ZNF609: variants seen among roughly 807,000 people sequenced by gnomAD.
The protein encoded by ZNF609 is zinc finger protein 609.
ZNF609 carries 11 observed loss-of-function variants against 109.5 expected under a neutral mutation model. That is an observed-to-expected ratio of 0.10 (90% CI 0.06 to 0.17). The LOEUF is 0.17. ZNF609 is among the 10% of genes least tolerant of loss of function. ZNF609 has a pLI of 1.00. For missense variants in ZNF609, 1,559 were observed against 1,772.4 expected (o/e 0.88, Z 2.16); for synonymous variants, 646 against 662.0 (o/e 0.98, Z 0.37).
At chr15:64,530,132 A>G (rs1894038509) in intron 2 of ZNF609, among the ~76,000 whole-genome samples, 1 of 151,444 alleles carries the variant, frequency 6.6e-6, no homozygotes, top group Non-Finnish European at 1.5e-5. Flanking sequence ...CTCCCATCTC[A>G]GCCTCCCGAC....
chr15:64,607,819 CTTTCTTTCTTTCTTTCTT>C (rs1895629935), intron 2 of ZNF609, among the ~76,000 whole-genome samples: 1 of 5,520 alleles, frequency 1.8e-4, no homozygotes, highest in African/African-American at 3.1e-4. Context: ...ATGTTTTCTT[CTTTCTTTCTTTCTTTCTT>C]TCTTTCTTTC....
chr15:64,568,998 G>A lies in ZNF609; in HGVS notation c.748-53829G>A, dbSNP rs546712391. On this transcript the variant is annotated intron_variant, in intron 2 of 9. Transcript: ENST00000326648. ...CTACCTCTGTACTCTAGCCACACTG[G>A]CCTTCTTTCTTTTTCTCAAACATAT... 2.6e-5 allele frequency among the ~76,000 whole-genome samples: 4 copies of A among 152,212 alleles called. No homozygotes were observed. In the East Asian group the frequency reaches 5.8e-4, roughly 22 times the overall value.
At position 64,675,038 on chromosome 15, in the gene ZNF609, A is replaced by G. The variant is rs1279372132; in HGVS notation, c.2184A>G (p.Lys728=). The G allele has an allele frequency of 1.2e-6, 2 of 1,614,024 alleles. No individual in the cohort carries two copies. Among genetic ancestry groups the G allele is most frequent in the African/African-American group, 2.7e-5 (2 of 74,918 alleles). The change falls in exon 5 of 10, where the codon AAA becomes AAG. Residue 728 remains lysine, a synonymous_variant. Coordinates refer to ENST00000326648, the MANE Select transcript of ZNF609 (RefSeq NM_015042.2). ...CCTTGACTCCAGCCAAGGACAAGAAAAAGAAAGACAAAAAAAAGAAGGAAT... is the reference window on the plus strand; with the variant it reads ...CCTTGACTCCAGCCAAGGACAAGAAGAAGAAAGACAAAAAAAAGAAGGAAT... The part of the protein sequence containing the change: ...NPALTPAKDK[K]KKDKKKKESS...
chr15:64,554,028 GA>G (rs1420583040), intron 2 of ZNF609, among the ~76,000 whole-genome samples: 1 of 152,126 alleles, frequency 6.6e-6, no homozygotes, highest in African/African-American at 2.4e-5. Context: ...TTCAGATTAG[GA>G]AAGTTTAACT....
intron 3 of ZNF609, among the ~76,000 whole-genome samples, chr15:64,659,230 G>C (rs1045686545): frequency 1.3e-5 from 2 of 152,220 alleles, no homozygotes; most frequent in African/African-American, 4.8e-5. Context: ...GTTTTTTATT[G>C]GACATTTACC....
chr15:64,601,291 G>C (rs1244060870), intron 2 of ZNF609, among the ~76,000 whole-genome samples: 4 of 152,192 alleles, frequency 2.6e-5, no homozygotes, highest in African/African-American at 9.7e-5. Context: ...AACTGAAGTG[G>C]ACAGTATGCT....
chr15:64,667,833 A>G (rs1896672163), intron 3 of ZNF609, among the ~76,000 whole-genome samples: 1 of 152,214 alleles, frequency 6.6e-6, no homozygotes, highest in African/African-American at 2.4e-5. Flanking sequence ...ATTTCAGAGG[A>G]GTAAATAGAT....
intron 1 of ZNF609, among the ~76,000 whole-genome samples, chr15:64,488,167 C>T (rs1226121312): frequency 6.6e-6 from 1 of 151,888 alleles, no homozygotes. Context: ...CCCTTAGATT[C>T]TTAATGAATC....
chr15:64,598,742 G>GTATATATATATATATA (rs1169879124), intron 2 of ZNF609, among the ~76,000 whole-genome samples: 1 of 60,288 alleles, frequency 1.7e-5, no homozygotes, highest in East Asian at 5.5e-4. Flanking sequence ...CTTTGTGTGT[G>GTATATATATATATATA]TATATATATA....
chr15:64,634,143 T>C (rs1896132534), intron 3 of ZNF609, among the ~76,000 whole-genome samples: 1 of 152,050 alleles, frequency 6.6e-6, no homozygotes, highest in African/African-American at 2.4e-5. Context: ...TGTGGGAGTA[T>C]GAAGAGGGTG....
chr15:64,537,133 G>T (rs1462940736), intron 2 of ZNF609, among the ~76,000 whole-genome samples: 3 of 151,624 alleles, frequency 2.0e-5, no homozygotes, highest in African/African-American at 7.3e-5. Context: ...TGAGGCAGGA[G>T]AATCACTTGA....
intron 2 of ZNF609, among the ~76,000 whole-genome samples, chr15:64,524,425 G>A (rs941138679): frequency 6.6e-6 from 1 of 152,128 alleles, no homozygotes; most frequent in Non-Finnish European, 1.5e-5. Context: ...TTAGCTGGGC[G>A]TGGTGGCACA....
At chr15:64,493,219 A>T (rs1324446766) in intron 1 of ZNF609, among the ~76,000 whole-genome samples, 1 of 152,068 alleles carries the variant, frequency 6.6e-6, no homozygotes, top group Non-Finnish European at 1.5e-5. Context: ...GTTTCTTGTT[A>T]TGTTTGGATA....
intron 2 of ZNF609, among the ~76,000 whole-genome samples, chr15:64,603,071 C>T (rs959011340): frequency 6.6e-6 from 1 of 151,648 alleles, no homozygotes; most frequent in African/African-American, 2.4e-5. Context: ...TCTGAGTTCC[C>T]ATCCTTTGCA....
Position 64,529,476 on chromosome 15 carries a change from C to A in ZNF609, c.747+29310C>A, listed in dbSNP as rs1567006434. 11 of 1,055,388 alleles carry A rather than the reference C, an allele frequency of 1.0e-5. No homozygotes were observed. In the South Asian group the frequency reaches 1.4e-4, roughly 13 times the overall value. 65.4% of individuals were successfully genotyped at this position (1,055,388 alleles called of 1,614,324 possible). On this transcript the variant is annotated intron_variant, in intron 2 of 9. Coordinates refer to ENST00000326648, the MANE Select transcript of ZNF609 (RefSeq NM_015042.2). ...TGGGGTTTCCATTGATGACAAGCGT[C>A]CCGTTCTCAGCCTTGACGGTGCCAT...
intron 3 of ZNF609, among the ~76,000 whole-genome samples, chr15:64,626,294 A>G (rs1895961856): frequency 6.6e-6 from 1 of 152,108 alleles, no homozygotes; most frequent in Non-Finnish European, 1.5e-5. Flanking sequence ...CTGAATTGGG[A>G]TCAGAGTTGG....
chr15:64,660,453 T>G (rs1052344291), intron 3 of ZNF609, among the ~76,000 whole-genome samples: 4 of 149,988 alleles, frequency 2.7e-5, no homozygotes, highest in African/African-American at 1.0e-4. Flanking sequence ...ACAGTTTTAT[T>G]GAAACACAAC....
At chr15:64,607,620 T>C (rs1159397308) in intron 2 of ZNF609, among the ~76,000 whole-genome samples, 1 of 151,552 alleles carries the variant, frequency 6.6e-6, no homozygotes, top group African/African-American at 2.4e-5. Flanking sequence ...TTCTGTTGCT[T>C]CAGCCTCCCG....
chr15:64,608,169 T>A lies in ZNF609; in HGVS notation c.748-14658T>A, dbSNP rs377212615. Among the ~76,000 whole-genome samples, 124 of 152,258 alleles carry A rather than the reference T, an allele frequency of 8.1e-4. No homozygotes were observed. In the South Asian group the frequency reaches 0.015, roughly 19 times the overall value. On this transcript the variant is annotated intron_variant, in intron 2 of 9. Coordinates refer to ENST00000326648, the MANE Select transcript of ZNF609 (RefSeq NM_015042.2). ...GCCTTGGCCTCCCAAAGTGCTAGGA[T>A]TACAAGCCTGAGCCACCATGCCCAG...
Sources: gnomAD v4.1 joint callset for allele counts (sites outside exome capture counted in the v4.1 genomes callset) on GRCh38, gnomAD v4.1.1 for gene constraint, MANE v1.5 for transcripts, NCBI Gene and HGNC (gene_info 2026-07-23, HGNC 2026-07-21) for gene names.